The following DCDC1 variants were observed in gnomAD, a reference collection of about 807,000 sequenced individuals.
The protein encoded by DCDC1 is doublecortin domain-containing protein 1.
A neutral mutation model predicts 178.3 loss-of-function variants in DCDC1; 200 were observed. The ratio of observed to expected loss-of-function variants is 1.12; its 90% CI spans 1.00 to 1.26. The LOEUF is 1.26. DCDC1 is among the 50% of genes most tolerant of loss of function. DCDC1 has a pLI of 0.00. For missense variants in DCDC1, 1,983 were observed against 1,749.2 expected (o/e 1.13, Z -2.38); for synonymous variants, 690 against 604.8 (o/e 1.14, Z -2.07).
At chr11:31,096,377 CACTCAA>C (rs1958153311) in intron 15 of DCDC1, among the ~76,000 whole-genome samples, 1 of 152,198 alleles carries the variant, frequency 6.6e-6, no homozygotes, top group South Asian at 2.1e-4. Context: ...GTTGCCATCA[CACTCAA>C]AACTCCCCTC....
At chr11:31,056,814 A>G (rs1357282113) in intron 20 of DCDC1, among the ~76,000 whole-genome samples, 5 of 152,190 alleles carry the variant, frequency 3.3e-5, no homozygotes. Flanking sequence ...CACATGTATC[A>G]AACTTAATCT....
chr11:30,971,940 C>A (rs1365808156), intron 20 of DCDC1, among the ~76,000 whole-genome samples: 2 of 151,948 alleles, frequency 1.3e-5, no homozygotes, highest in Non-Finnish European at 2.9e-5. Context: ...ACCAATCAAA[C>A]AAAAATTTTG....
chr11:31,145,853 A>G (rs208103), intron 9 of DCDC1, among the ~76,000 whole-genome samples: 45,846 of 152,070 alleles, frequency 0.3, 8,345 homozygotes, highest in East Asian at 0.63. Flanking sequence ...GTGTGGCTGC[A>G]TTTATTCCTC....
chr11:31,087,134 C>T (rs1182751871), intron 17 of DCDC1, among the ~76,000 whole-genome samples: 1 of 152,044 alleles, frequency 6.6e-6, no homozygotes, highest in Non-Finnish European at 1.5e-5. Flanking sequence ...GGGAATTGGT[C>T]TTTACCACCT....
Position 30,886,127 on chromosome 11 carries a change from A to G in DCDC1, c.5083-4819T>C, listed in dbSNP as rs527546615. Reference sequence around the variant, plus strand: ...CTACTATGATCACAAAGGAAAAAAAAATTATCATTGTTTAGAAATATATAC... The same window carrying G: ...CTACTATGATCACAAAGGAAAAAAAGATTATCATTGTTTAGAAATATATAC... On this transcript the variant is annotated intron_variant, in intron 36 of 38. Coordinates refer to ENST00000684477, the MANE Select transcript of DCDC1 (RefSeq NM_001387274.1). 8.5e-4 allele frequency among the ~76,000 whole-genome samples: 130 copies of G among 152,256 alleles called. 1 individual carries two copies. The highest frequency in any genetic ancestry group is 1.2e-3 in the South Asian group (6 of 4,832).
intron 20 of DCDC1, among the ~76,000 whole-genome samples, chr11:31,001,275 T>A (rs1951561482): frequency 6.6e-6 from 1 of 152,180 alleles, no homozygotes; most frequent in Admixed American, 6.5e-5. Context: ...GAAAGGCTTA[T>A]AAACCATATT....
chr11:30,902,711 G>C (rs1944779350), intron 32 of DCDC1, among the ~76,000 whole-genome samples: 1 of 152,146 alleles, frequency 6.6e-6, no homozygotes, highest in South Asian at 2.1e-4. Context: ...AAGTGACAAA[G>C]CTGGGATTTG....
rs1392683202 is a variant in DCDC1 at position 30,873,356 on chromosome 11, T to TAG, written c.*40+5187_*40+5188insCT. ...GTGTGTGTATATACATATATATATA[T>TAG]ATATATATAGAGAGAGAGAGAGAGA... is the stretch of plus-strand genomic sequence containing the variant. On this transcript the variant is annotated intron_variant, in intron 38 of 38. Transcript: ENST00000684477. Among the ~76,000 whole-genome samples the TAG allele has an allele frequency of 2.0e-3, 277 of 138,694 alleles. 1 individual carries two copies. Among genetic ancestry groups the TAG allele is most frequent in the Admixed American group, 5.1e-3 (71 of 14,026 alleles). The allele number at this position is 138,694 out of a possible 152,430, so 91.0% of individuals were successfully genotyped here. A position where few individuals can be genotyped will look rare whatever the true frequency, so the allele number is the denominator to read the frequency against.
chr11:31,122,701 T>A lies in DCDC1; in HGVS notation c.1485+4768A>T, dbSNP rs976696159. Reference sequence around the variant, plus strand: ...ACCCGAATGTTGATTAATATTTTCATCCATGTTGATAAGACAAAAATGAAA... The same window carrying A: ...ACCCGAATGTTGATTAATATTTTCAACCATGTTGATAAGACAAAAATGAAA... On this transcript the variant is annotated intron_variant, in intron 11 of 38. Transcript: ENST00000684477. Among the ~76,000 whole-genome samples, 67 of 152,232 alleles carry A rather than the reference T, an allele frequency of 4.4e-4. 1 individual carries two copies. The highest frequency in any genetic ancestry group is 1.6e-3 in the African/African-American group (66 of 41,556).
At chr11:31,301,125 C>T (rs1406720093) in intron 6 of DCDC1, among the ~76,000 whole-genome samples, 2 of 152,214 alleles carry the variant, frequency 1.3e-5, no homozygotes, top group African/African-American at 4.8e-5. Context: ...TATAGTTTTA[C>T]CCTCACTTAT....
intron 20 of DCDC1, among the ~76,000 whole-genome samples, chr11:31,015,648 A>T (rs988014980): frequency 6.6e-6 from 1 of 152,236 alleles, no homozygotes; most frequent in Non-Finnish European, 1.5e-5. Context: ...GGAGAAAAGG[A>T]TTATTTCAAG....
chr11:31,091,799 G>A (rs577760659), intron 16 of DCDC1, among the ~76,000 whole-genome samples: 1 of 152,098 alleles, frequency 6.6e-6, no homozygotes, highest in African/African-American at 2.4e-5. Context: ...GCAGCAATTT[G>A]GGGTCCATCA....
At chr11:31,172,988 T>G (rs1468370361) in intron 9 of DCDC1, among the ~76,000 whole-genome samples, 3 of 152,146 alleles carry the variant, frequency 2.0e-5, no homozygotes, top group Admixed American at 6.5e-5. Flanking sequence ...ATAAATAGAT[T>G]CATAGACTCA....
intron 20 of DCDC1, among the ~76,000 whole-genome samples, chr11:30,995,802 T>C (rs1951231774): frequency 6.6e-6 from 1 of 152,148 alleles, no homozygotes; most frequent in African/African-American, 2.4e-5. Context: ...ACAGACTTAA[T>C]GGCAAAATAT....
intron 9 of DCDC1, among the ~76,000 whole-genome samples, chr11:31,231,774 A>G (rs1013523227): frequency 6.6e-6 from 1 of 152,216 alleles, no homozygotes; most frequent in Non-Finnish European, 1.5e-5. Flanking sequence ...TGCCTAAATA[A>G]GCTGGTTAAA....
chr11:31,312,896 C>A (rs910210011), intron 3 of DCDC1: 1 of 151,944 alleles, frequency 6.6e-6, no homozygotes, highest in Non-Finnish European at 1.5e-5. Context: ...GTGGCTTATG[C>A]CTGTAATCCC....
At chr11:30,881,776 C>G (rs1010259901) in intron 36 of DCDC1, among the ~76,000 whole-genome samples, 5 of 152,142 alleles carry the variant, frequency 3.3e-5, no homozygotes, top group African/African-American at 1.2e-4. Context: ...TCTAAGACTT[C>G]ACTGGCTCTA....
At chr11:31,194,203 G>A (rs1041253527) in intron 9 of DCDC1, among the ~76,000 whole-genome samples, 2 of 152,050 alleles carry the variant, frequency 1.3e-5, no homozygotes, top group Admixed American at 1.3e-4. Context: ...CTGATTCAGT[G>A]TTTAATGTCG....
At chr11:31,161,820 G>A (rs984785487) in intron 9 of DCDC1, among the ~76,000 whole-genome samples, 5 of 152,200 alleles carry the variant, frequency 3.3e-5, no homozygotes, top group Non-Finnish European at 7.3e-5. Flanking sequence ...TTCAGTACAA[G>A]TAGTGGTACT....
Sources: allele counts gnomAD v4.1 joint callset (sites outside exome capture counted in the v4.1 genomes callset), GRCh38; gene constraint gnomAD v4.1.1; transcripts MANE v1.5; gene names NCBI Gene and HGNC (gene_info 2026-07-23, HGNC 2026-07-21).